The following COL12A1 variants were observed in gnomAD, a reference collection of about 807,000 sequenced individuals.
The protein encoded by COL12A1 is collagen alpha-1(XII) chain.
Under a neutral mutation model 349.7 loss-of-function variants are expected in COL12A1, and 114 were observed. The observed-to-expected ratio is 0.33, with a 90% confidence interval of 0.28 to 0.38. The LOEUF is 0.38. COL12A1 is among the 10% of genes least tolerant of loss of function. COL12A1 has a pLI of 1.00. For missense variants in COL12A1, 3,284 were observed against 3,756.9 expected, an observed-to-expected ratio of 0.87 and a Z score of 3.29; for synonymous variants, 1,369 against 1,329.0, an observed-to-expected ratio of 1.03 and a Z score of -0.66.
In COL12A1 at chr6:75,085,489, TAA is replaced by T. The variant is rs1767446554; in HGVS notation, c.*1056_*1057del. On this transcript the variant is annotated 3_prime_UTR_variant, in exon 66 of 66. Coordinates refer to ENST00000322507, the MANE Select transcript of COL12A1 (RefSeq NM_004370.6). ...TCTTAATCTCATAACTATAAATAGA[TAA>T]GTTACAATGTCCCAATTATTTCCAG... 4 of 337,200 alleles carry T rather than the reference TAA, an allele frequency of 1.2e-5. No individual in the cohort carries two copies. The highest frequency in any genetic ancestry group is 9.3e-5 in the South Asian group (4 of 42,894). The allele number at this position is 337,200 out of a possible 1,614,324, so 20.9% of individuals were successfully genotyped here. A position where few individuals can be genotyped will look rare whatever the true frequency, so the allele number is the denominator to read the frequency against.
rs1013929700 is a variant in COL12A1, at chr6:75,106,403, A to G, written c.8178+16T>C. 6.2e-7 allele frequency: 1 copy of G among 1,608,272 alleles called. No individual in the cohort carries two copies. Among genetic ancestry groups the G allele is most frequent in the Admixed American group, 1.7e-5 (1 of 59,962 alleles). On this transcript the variant is annotated intron_variant, in intron 53 of 65. Coordinates refer to ENST00000322507, the MANE Select transcript of COL12A1 (RefSeq NM_004370.6). ...ACTGTTAAAGCCATGGCAGAATTCA[A>G]TTCTGTTTTACTTACCCTAGAGGGA...
intron 14 of COL12A1, 109 bp from the exon 15 acceptor site, chr6:75,156,632 C>G: frequency 1.0e-6 from 1 of 996,814 alleles, no homozygotes; most frequent in Non-Finnish European, 1.5e-6. Flanking sequence ...AATATGTACA[C>G]TGTTCCATTG....
At chr6:75,118,970 T>C (rs968167574) in intron 46 of COL12A1, 73 bp downstream of exon 46, 1 of 1,581,548 alleles carries the variant, frequency 6.3e-7, no homozygotes, top group Non-Finnish European at 8.7e-7. Context: ...GCAAATTTAG[T>C]CTTTTGCAAT....
At chr6:75,134,665 G>T in intron 32 of COL12A1, 61 bp downstream of exon 32, 1 of 1,412,158 alleles carries the variant, frequency 7.1e-7, no homozygotes, top group Non-Finnish European at 9.4e-7. Flanking sequence ...TCCAGATAAA[G>T]AGATGATTCC....
chr6:75,183,299 TAAG>T lies in COL12A1; in HGVS notation c.1639_1641del (p.Leu547del). On this transcript the variant is annotated inframe_deletion, in exon 10 of 66. Transcript: ENST00000322507. The stretch of plus-strand genomic sequence containing the variant: ...GCATCTGATGATTTCCCATCCGTGA[TAAG>T]AATCATGACCTTTGGCACATTGCTT... The T allele has an allele frequency of 6.2e-7, 1 of 1,614,230 alleles. No homozygotes were observed.
At chr6:75,152,104 A>C (rs1416320898) in intron 19 of COL12A1, 27 bp downstream of exon 19, 26 of 1,613,704 alleles carry the variant, frequency 1.6e-5, no homozygotes, top group Non-Finnish European at 2.2e-5. Context: ...GCATGAGCTG[A>C]AAGACTGTCA....
chr6:75,182,791 C>A (rs921268313), intron 10 of COL12A1, among the ~76,000 whole-genome samples: 6 of 152,142 alleles, frequency 3.9e-5, no homozygotes, highest in African/African-American at 1.4e-4. Context: ...TGTTCCTAAA[C>A]CTGCTTGACA....
At chr6:75,112,571 C>G (rs1402505979) in intron 51 of COL12A1, among the ~76,000 whole-genome samples, 14 of 151,350 alleles carry the variant, frequency 9.3e-5, no homozygotes. Flanking sequence ...TTAAGATGAT[C>G]AAGAATAGAC....
At chr6:75,117,684 C>G (rs1419160003) in intron 46 of COL12A1, 138 bp from the exon 47 acceptor site, 8 of 762,874 alleles carry the variant, frequency 1.0e-5, no homozygotes, top group Non-Finnish European at 1.6e-5. Flanking sequence ...TTGACGTGAA[C>G]TCTCTTTAAT....
intron 14 of COL12A1, among the ~76,000 whole-genome samples, chr6:75,163,674 T>C (rs1768135057): frequency 6.6e-6 from 1 of 151,970 alleles, no homozygotes; most frequent in Non-Finnish European, 1.5e-5. Context: ...TAAAAAAAGT[T>C]AACTTGGGAA....
chr6:75,109,263 G>T, intron 51 of COL12A1, 96 bp from the exon 52 acceptor site: 1 of 825,756 alleles, frequency 1.2e-6, no homozygotes, highest in Non-Finnish European at 1.8e-6. Context: ...AGTTTTTTAA[G>T]CTATTCTCAT....
chr6:75,105,089 C>A, intron 54 of COL12A1, 117 bp downstream of exon 54: 2 of 746,758 alleles, frequency 2.7e-6, no homozygotes, highest in South Asian at 2.1e-5. Flanking sequence ...ATTTAGCTTG[C>A]TCTATCCTAG....
chr6:75,197,026 G>A (rs893670689), intron 2 of COL12A1, among the ~76,000 whole-genome samples: 3 of 152,124 alleles, frequency 2.0e-5, no homozygotes, highest in African/African-American at 7.2e-5. Context: ...ACCCGCATGG[G>A]TACAACAGAG....
At position 75,086,486 on chromosome 6, in the gene COL12A1, C is replaced by T; in HGVS notation, c.*61G>A. On this transcript the variant is annotated 3_prime_UTR_variant, in exon 66 of 66. Coordinates refer to ENST00000322507, the MANE Select transcript of COL12A1 (RefSeq NM_004370.6). ...TCCTAATAAGCACGTGCGCAAACATCTCAGAAACAGGATTTTCATGTATTC... is the reference window on the plus strand; with the variant it reads ...TCCTAATAAGCACGTGCGCAAACATTTCAGAAACAGGATTTTCATGTATTC... 3 of 1,528,400 alleles carry T rather than the reference C, an allele frequency of 2.0e-6. No individual in the cohort carries two copies. The highest frequency in any genetic ancestry group is 2.7e-6 in the Non-Finnish European group (3 of 1,117,708). The allele number at this position is 1,528,400 out of a possible 1,614,324, so 94.7% of individuals were successfully genotyped here. A position where few individuals can be genotyped will look rare whatever the true frequency, so the allele number is the denominator to read the frequency against.
intron 47 of COL12A1, 40 bp from the exon 48 acceptor site, chr6:75,116,097 C>T: frequency 1.3e-6 from 2 of 1,594,488 alleles, no homozygotes; most frequent in Non-Finnish European, 1.7e-6. Context: ...TTCACCAACA[C>T]GATGTACAAA....
chr6:75,090,009 G>A lies in COL12A1; in HGVS notation c.8941+101C>T. On this transcript the variant is annotated intron_variant, in intron 63 of 65. Transcript: ENST00000322507. This position sits in a 1 kb window ranked among gnomAD's most constrained non-coding sequence, Gnocchi z 4.1. ...GGCTGTCCAAACAAGACCAGGGAAA[G>A]CAGTTTGCCTAGGTCACCTTTCAGA... 4.0e-6 allele frequency: 5 copies of A among 1,265,484 alleles called. No homozygotes were observed. Among genetic ancestry groups the A allele is most frequent in the South Asian group, 2.7e-5 (2 of 74,586 alleles). 78.4% of individuals were successfully genotyped at this position (1,265,484 alleles called of 1,614,324 possible).
In COL12A1 at chr6:75,189,719, G is replaced by A. The variant is rs770459700; in HGVS notation, c.491C>T (p.Ala164Val). 1 of 1,613,372 alleles carries A rather than the reference G, an allele frequency of 6.2e-7. No individual in the cohort carries two copies. The highest frequency in any genetic ancestry group is 8.5e-7 in the Non-Finnish European group (1 of 1,179,478). ...AATGTCAAAAGCAGACACAAGAGCAGCAATGAAGTCTAAAATGTACTTGAA... is the reference window on the plus strand; with the variant it reads ...AATGTCAAAAGCAGACACAAGAGCAACAATGAAGTCTAAAATGTACTTGAA... ...NNFKYILDFI[A>V]ALVSAFDIGE... The change falls in exon 6 of 66, where the codon GCT (alanine) becomes GTT (valine). Residue 164 changes from alanine to valine, a missense_variant. Coordinates refer to ENST00000322507, the MANE Select transcript of COL12A1 (RefSeq NM_004370.6).
intron 3 of COL12A1, among the ~76,000 whole-genome samples, chr6:75,192,861 G>A (rs77096187): frequency 1.3e-5 from 2 of 152,044 alleles, no homozygotes; most frequent in Admixed American, 1.3e-4. Flanking sequence ...TACTCAAATG[G>A]CTACATGCCT....
intron 13 of COL12A1, among the ~76,000 whole-genome samples, chr6:75,171,664 AC>A (rs1436292158): frequency 6.6e-6 from 1 of 152,156 alleles, no homozygotes; most frequent in Non-Finnish European, 1.5e-5. Context: ...AATTAGAAAA[AC>A]AGCAGCCCTC....
Sources: gnomAD v4.1 joint callset for allele counts (sites outside exome capture counted in the v4.1 genomes callset) on GRCh38, gnomAD v4.1.1 for gene constraint, Gnocchi (gnomAD v3.1) non-coding constraint, MANE v1.5 for transcripts, NCBI Gene and HGNC (gene_info 2026-07-23, HGNC 2026-07-21) for gene names.